The following KCNN3 variants were observed in gnomAD, a reference collection of about 807,000 sequenced individuals.
KCNN3 encodes small conductance calcium-activated potassium channel protein 3.
In KCNN3, 16 loss-of-function variants were observed where a neutral mutation model predicts 62.9. The ratio of observed to expected loss-of-function variants is 0.25; its 90% CI spans 0.17 to 0.39. The LOEUF is 0.39. Ranked by LOEUF, KCNN3 falls within the 10% of genes least tolerant of loss-of-function variation. The pLI is 1.00. For synonymous variants in KCNN3, 370 were observed against 389.2 expected, an observed-to-expected ratio of 0.95 and a Z score of 0.58; for missense variants, 599 against 949.4, an observed-to-expected ratio of 0.63 and a Z score of 4.85.
intron 1 of KCNN3, among the ~76,000 whole-genome samples, chr1:154,837,680 A>G (rs940775286): frequency 5.3e-5 from 8 of 152,350 alleles, no homozygotes; most frequent in Non-Finnish European, 1.2e-4. Context: ...TGGGGCTCCC[A>G]GGCATCCACT....
rs893499099 is a variant in KCNN3 at position 154,707,665 on chromosome 1, C to A, written c.*311G>T. ...TTCAGTGCATCTGACCCCCACCCCC[C>A]GCGTGAAGACCTGAGATTGAGCGTG... On this transcript the variant is annotated 3_prime_UTR_variant, in exon 8 of 8. Transcript: ENST00000271915. 6.7e-6 allele frequency: 2 copies of A among 296,444 alleles called. No individual in the cohort carries two copies. The highest frequency in any genetic ancestry group is 1.3e-5 in the Non-Finnish European group (2 of 157,974). The allele number at this position is 296,444 out of a possible 1,614,324, so 18.4% of individuals were successfully genotyped here.
At chr1:154,743,425 C>T (rs929319945) in intron 3 of KCNN3, among the ~76,000 whole-genome samples, 2 of 152,174 alleles carry the variant, frequency 1.3e-5, no homozygotes, top group Non-Finnish European at 2.9e-5. Context: ...GGCCCCCAAC[C>T]TGGGGGCCTC....
At chr1:154,818,828 A>G (rs957421935) in intron 2 of KCNN3, among the ~76,000 whole-genome samples, 1 of 152,232 alleles carries the variant, frequency 6.6e-6, no homozygotes, top group African/African-American at 2.4e-5. Context: ...AACTCAAGCC[A>G]TCTAAATGAA....
chr1:154,775,274 G>A (rs545700867), intron 2 of KCNN3, among the ~76,000 whole-genome samples: 4 of 152,294 alleles, frequency 2.6e-5, no homozygotes, highest in Non-Finnish European at 4.4e-5. Flanking sequence ...GTGGGCGGGC[G>A]ATGCTTGCCT....
chr1:154,831,837 G>A (rs1325470334), intron 1 of KCNN3, among the ~76,000 whole-genome samples: 1 of 151,962 alleles, frequency 6.6e-6, no homozygotes, highest in Non-Finnish European at 1.5e-5. Context: ...TTAGCATCCC[G>A]GTGTCTATGT....
chr1:154,742,235 G>C (rs1237174715), intron 3 of KCNN3, among the ~76,000 whole-genome samples: 1 of 152,064 alleles, frequency 6.6e-6, no homozygotes, highest in Non-Finnish European at 1.5e-5. Context: ...ATCCCATCCT[G>C]ACCCACCCAG....
chr1:154,830,480 G>A (rs1203689689), intron 1 of KCNN3, among the ~76,000 whole-genome samples: 1 of 152,248 alleles, frequency 6.6e-6, no homozygotes, highest in Non-Finnish European at 1.5e-5. Context: ...TGGCTTTAGT[G>A]GTGTGATAGA....
intron 5 of KCNN3, among the ~76,000 whole-genome samples, chr1:154,718,083 G>C (rs543527562): frequency 6.6e-6 from 1 of 152,164 alleles, no homozygotes; most frequent in African/African-American, 2.4e-5. Context: ...TGCTCTCAGG[G>C]TGCAGCAGTG....
intron 1 of KCNN3, among the ~76,000 whole-genome samples, chr1:154,829,265 A>T (rs1265258877): frequency 1.3e-5 from 2 of 152,244 alleles, no homozygotes; most frequent in Non-Finnish European, 2.9e-5. Context: ...CAGGAAGCCC[A>T]GGCTGAGGGA....
chr1:154,759,460 G>A (rs184680570), intron 3 of KCNN3, among the ~76,000 whole-genome samples: 47 of 152,370 alleles, frequency 3.1e-4, no homozygotes, highest in Non-Finnish European at 1.3e-4. Flanking sequence ...AGATGTGGCT[G>A]ACGTCACTTA....
chr1:154,783,995 G>A (rs1439708716), intron 2 of KCNN3, among the ~76,000 whole-genome samples: 1 of 152,204 alleles, frequency 6.6e-6, no homozygotes, highest in Non-Finnish European at 1.5e-5. Flanking sequence ...TGGAGGTGGA[G>A]AATTCAGCAG....
At chr1:154,719,474 C>A (rs1700300824) in intron 5 of KCNN3, among the ~76,000 whole-genome samples, 1 of 152,118 alleles carries the variant, frequency 6.6e-6, no homozygotes, top group African/African-American at 2.4e-5. Flanking sequence ...GCCACTGTAA[C>A]ACAAATCACT....
rs1699922123 is a variant in KCNN3 at position 154,704,251 on chromosome 1, G to A, written c.*3725C>T. The A allele has an allele frequency of 1.3e-5, 2 of 152,166 alleles. No individual in the cohort carries two copies. 9.4% of individuals were successfully genotyped at this position (152,166 alleles called of 1,614,324 possible). A position where few individuals can be genotyped will look rare whatever the true frequency, so the allele number is the denominator to read the frequency against. Reference sequence around the variant, plus strand: ...GCTGAGGTCGGTCAGTGGTGACTTGGGGCCTTCCCCCCTTGTTCTTTTGGA... The same window carrying A: ...GCTGAGGTCGGTCAGTGGTGACTTGAGGCCTTCCCCCCTTGTTCTTTTGGA... On this transcript the variant is annotated 3_prime_UTR_variant, in exon 8 of 8. Coordinates refer to ENST00000271915, the MANE Select transcript of KCNN3 (RefSeq NM_002249.6).
intron 4 of KCNN3, 22 bp downstream of exon 4, chr1:154,732,981 A>G (rs982795781): frequency 5.6e-6 from 9 of 1,613,148 alleles, no homozygotes; most frequent in Non-Finnish European, 7.6e-6. Context: ...AGGGTAGGGA[A>G]TGGGGAGAGG....
intron 1 of KCNN3, among the ~76,000 whole-genome samples, chr1:154,850,002 A>G (rs1366008960): frequency 6.6e-6 from 1 of 152,204 alleles, no homozygotes; most frequent in Non-Finnish European, 1.5e-5. Flanking sequence ...GTCTTGTGGT[A>G]AGGGAGGGGA....
chr1:154,842,949 G>A (rs971481373), intron 1 of KCNN3, among the ~76,000 whole-genome samples: 6 of 152,180 alleles, frequency 3.9e-5, no homozygotes, highest in Non-Finnish European at 5.9e-5. Flanking sequence ...GGGGCAGTAA[G>A]AGTAGTGACC....
chr1:154,786,318 A>G (rs907067015), intron 2 of KCNN3, among the ~76,000 whole-genome samples: 2 of 152,256 alleles, frequency 1.3e-5, no homozygotes, highest in African/African-American at 2.4e-5. Context: ...TAACATATGC[A>G]CAAGATAGAA....
chr1:154,798,319 T>G (rs1189692063), intron 2 of KCNN3, among the ~76,000 whole-genome samples: 1 of 152,216 alleles, frequency 6.6e-6, no homozygotes, highest in East Asian at 1.9e-4. Context: ...ACACAGTGCT[T>G]GCCTGGTCCT....
chr1:154,698,386 C>T lies in KCNN3; in HGVS notation c.*9590G>A, dbSNP rs1216691368. 6.6e-6 allele frequency: 1 copy of T among 152,204 alleles called. No individual in the cohort carries two copies. The highest frequency in any genetic ancestry group is 1.5e-5 in the Non-Finnish European group (1 of 68,034). 9.4% of individuals were successfully genotyped at this position (152,204 alleles called of 1,614,324 possible). ...CTGTTGTCTTTCTGGTCACCTCTGA[C>T]ATTTTGCAGTGTCTCTTCTGATTGA... On this transcript the variant is annotated 3_prime_UTR_variant, in exon 8 of 8. Transcript: ENST00000271915.
Sources: allele counts gnomAD v4.1 joint callset (sites outside exome capture counted in the v4.1 genomes callset), GRCh38; gene constraint gnomAD v4.1.1; transcripts MANE v1.5; gene names NCBI Gene and HGNC (gene_info 2026-07-23, HGNC 2026-07-21).